The following YIF1A variants were observed in gnomAD, a reference collection of about 807,000 sequenced individuals.
YIF1A encodes the protein protein YIF1A.
In YIF1A, 28 loss-of-function variants were observed where a neutral mutation model predicts 32.6. The ratio of observed to expected loss-of-function variants is 0.86; its 90% CI spans 0.64 to 1.18. The LOEUF is 1.18. Ranked by LOEUF, YIF1A falls within the 50% of genes most tolerant of loss-of-function variation. The pLI is 0.00. For synonymous variants in YIF1A, 175 were observed against 162.2 expected (o/e 1.08, Z -0.60); for missense variants, 373 against 390.8 (o/e 0.95, Z 0.38).
chr11:66,285,155 C>A, intron 6 of YIF1A, 189 bp from the exon 7 acceptor site: 1 of 872,166 alleles, frequency 1.1e-6, no homozygotes. Context: ...GGACCTGGAT[C>A]TGAGACCCCC....
Position 66,285,735 on chromosome 11 carries a change from G to C in YIF1A, c.451C>G (p.Leu151Val), listed in dbSNP as rs1313837404. 6.2e-7 allele frequency: 1 copy of C among 1,613,254 alleles called. No homozygotes were observed. Residue 151 changes from leucine to valine, a missense_variant, in exon 5 of 8, where the codon CTC becomes GTC. Transcript: ENST00000376901. ...ATGCCCAGTGCCATCCCAGCCAGGA[G>C]CACGTAAGTAATGAAGGCCATCGCT... ...IPTMAFITYV[L>V]LAGMALGIQK...
chr11:66,285,734 AGCAC>A lies in YIF1A; in HGVS notation c.448_451del (p.Val150SerfsTer30). 1 of 1,613,262 alleles carries A rather than the reference AGCAC, an allele frequency of 6.2e-7. No individual in the cohort carries two copies. Among genetic ancestry groups the A allele is most frequent in the Non-Finnish European group, 8.5e-7 (1 of 1,179,920 alleles). Reference sequence around the variant, plus strand: ...AATGCCCAGTGCCATCCCAGCCAGGAGCACGTAAGTAATGAAGGCCATCGCTGCC... The same window carrying A: ...AATGCCCAGTGCCATCCCAGCCAGGAGTAAGTAATGAAGGCCATCGCTGCC... On this transcript the variant is annotated frameshift_variant, in exon 5 of 8. Transcript: ENST00000376901. LOFTEE classifies it high-confidence loss of function.
At position 66,285,456 on chromosome 11, in the gene YIF1A, C is replaced by G. The variant is rs1857339846; in HGVS notation, c.566G>C (p.Gly189Ala). Residue 189 changes from glycine (G) to alanine (A), a missense_variant, in exon 6 of 8, where the codon GGC (glycine) becomes GCC (alanine). By Grantham distance (60) the Gly-to-Ala change is moderately conservative. Coordinates refer to ENST00000376901, the MANE Select transcript of YIF1A (RefSeq NM_020470.3). ...VVMEVLALLL[G>A]LYLATVRSDL... ...ACTGCGCACGGTGGCCAGGTAGAGG[C>G]CCAGGAGCAGGGCCAGCACCTCCAT... 1 of 1,613,230 alleles carries G rather than the reference C, an allele frequency of 6.2e-7. No individual in the cohort carries two copies.
chr11:66,285,006 G>A lies in YIF1A; in HGVS notation c.642-40C>T, dbSNP rs1044265618. The A allele has an allele frequency of 1.9e-6, 3 of 1,604,436 alleles. No homozygotes were observed. The African/African-American group carries it at 4.0e-5, about 21-fold the overall frequency. The stretch of plus-strand genomic sequence containing the variant: ...AGGAAAGGGTTGGTGACCCCCAGGG[G>A]TCTAGGCCTGAGATTGGCCCTACCC... On this transcript the variant is annotated intron_variant, in intron 6 of 7. Transcript: ENST00000376901.
Position 66,288,123 on chromosome 11 carries a change from G to A in YIF1A, c.201C>T (p.Gly67=), listed in dbSNP as rs769168737. The A allele has an allele frequency of 1.2e-6, 2 of 1,613,928 alleles. No individual in the cohort carries two copies. Among genetic ancestry groups the A allele is most frequent in the East Asian group, 4.5e-5 (2 of 44,898 alleles). ...DPMANVAMAY[G]SSIASHGKDM... is the part of the protein sequence containing the mutation. Reference sequence around the variant, plus strand: ...CCTTCCCATGGGATGCGATGGAGCTGCCATAGGCCATAGCCACATTGGCCA... The same window carrying A: ...CCTTCCCATGGGATGCGATGGAGCTACCATAGGCCATAGCCACATTGGCCA... The change falls in exon 2 of 8, where the codon GGC becomes GGT. Residue 67 remains glycine, a synonymous_variant. Transcript: ENST00000376901.
At position 66,288,258 on chromosome 11, in the gene YIF1A, G is replaced by A; in HGVS notation, c.66C>T (p.Pro22=). The part of the protein sequence containing the change: ...SKHRARAAPD[P]PPLFDDTSGG... ...CGCTTGTGTCATCGAAGAGGGGAGG[G>A]GGATCCGGGGCTGCCCGGGCCCTGT... The change falls in exon 2 of 8, where the codon CCC becomes CCT. Residue 22 remains proline (P), a synonymous_variant. Coordinates refer to ENST00000376901, the MANE Select transcript of YIF1A (RefSeq NM_020470.3). The A allele has an allele frequency of 1.9e-6, 3 of 1,614,120 alleles. No homozygotes were observed. The highest frequency in any genetic ancestry group is 2.2e-5 in the South Asian group (2 of 91,090).
chr11:66,288,965 G>A lies in YIF1A; in HGVS notation c.21C>T (p.Tyr7=). 1.9e-6 allele frequency: 3 copies of A among 1,568,092 alleles called. No homozygotes were observed. The highest frequency in any genetic ancestry group is 2.6e-6 in the Non-Finnish European group (3 of 1,165,766). Residue 7 remains tyrosine, a synonymous_variant, in exon 1 of 8, where the codon TAC becomes TAT. Transcript: ENST00000376901. Reference sequence around the variant, plus strand: ...CCGCGCCCCACGCACCGTGGGCTCCGTAGCCCGAGTGATAAGCCATGGCCG... The same window carrying A: ...CCGCGCCCCACGCACCGTGGGCTCCATAGCCCGAGTGATAAGCCATGGCCG... MAYHSG[Y]GAHGSKHRAR...
At chr11:66,288,662 G>A (rs1857402491) in intron 1 of YIF1A, among the ~76,000 whole-genome samples, 3 of 152,346 alleles carry the variant, frequency 2.0e-5, no homozygotes, top group Non-Finnish European at 4.4e-5. Flanking sequence ...GCGACAGCTG[G>A]CTACCTGGAG....
chr11:66,288,822 C>T, intron 1 of YIF1A, 133 bp downstream of exon 1: 1 of 1,075,406 alleles, frequency 9.3e-7, no homozygotes, highest in Non-Finnish European at 1.3e-6. Context: ...TGGAGTGTTA[C>T]GAGGGGCAGG....
At chr11:66,286,164 C>T (rs1361705802) in intron 4 of YIF1A, among the ~76,000 whole-genome samples, 2 of 152,246 alleles carry the variant, frequency 1.3e-5, no homozygotes, top group Admixed American at 6.5e-5. Context: ...ATGACCTCAC[C>T]GCAGTCAGCA....
chr11:66,287,817 G>A lies in YIF1A; in HGVS notation c.343C>T (p.His115Tyr), dbSNP rs753339632. The change falls in exon 3 of 8, where the codon CAC becomes TAC. Residue 115 changes from histidine (H) to tyrosine (Y), a missense_variant. Physicochemically the swap from His to Tyr is moderately conservative, Grantham distance 83. Transcript: ENST00000376901. ...KLGLLVFPYT[H>Y]QNWEVQYSRD... is the part of the protein sequence containing the mutation. ...TCCCTTGGTAGGAAGCTCACCTGGT[G>A]TGTGTAGGGGAAGACCAGCAGCCCT... is the stretch of plus-strand genomic sequence containing the variant. The A allele has an allele frequency of 1.5e-5, 24 of 1,613,974 alleles. No homozygotes were observed. Among genetic ancestry groups the A allele is most frequent in the Middle Eastern group, 1.6e-4 (1 of 6,080 alleles).
Position 66,289,120 on chromosome 11 carries a change from C to A in YIF1A, c.-135G>T, listed in dbSNP as rs1420574404. The A allele has an allele frequency of 7.7e-7, 1 of 1,303,114 alleles. No individual in the cohort carries two copies. The highest frequency in any genetic ancestry group is 1.6e-5 in the African/African-American group (1 of 64,188). The allele number at this position is 1,303,114 out of a possible 1,614,324, so 80.7% of individuals were successfully genotyped here. On this transcript the variant is annotated 5_prime_UTR_variant, in exon 1 of 8. Transcript: ENST00000376901. ...GCGACACGTCCCCCACCCCGCCGGT[C>A]TCGGCCACCATGTCCGTGGCGTCAT...
At chr11:66,285,975 C>T (rs1253085672) in intron 4 of YIF1A, among the ~76,000 whole-genome samples, 1 of 152,284 alleles carries the variant, frequency 6.6e-6, no homozygotes, top group Non-Finnish European at 1.5e-5. Flanking sequence ...CTTCCAGAAC[C>T]ACAAGCCACC....
At chr11:66,288,882 C>T in intron 1 of YIF1A, 73 bp downstream of exon 1, 2 of 1,422,958 alleles carry the variant, frequency 1.4e-6, no homozygotes, top group Non-Finnish European at 1.8e-6. Context: ...CGCTATCTCC[C>T]TCGGGGTGAG....
Position 66,284,734 on chromosome 11 carries a change from G to A in YIF1A, c.785C>T (p.Pro262Leu). 1 of 1,612,256 alleles carries A rather than the reference G, an allele frequency of 6.2e-7. No homozygotes were observed. The highest frequency in any genetic ancestry group is 8.5e-7 in the Non-Finnish European group (1 of 1,179,700). ...AALGPDSMGG[P>L]VPRQRLQLYL... ...GAGCTGGAGACGCTGCCGGGGGACG[G>A]GGCCCCCCATGCTGTCGGGGCCCAG... Residue 262 changes from proline to leucine, a missense_variant, in exon 8 of 8, where the codon CCC (proline) becomes CTC (leucine). Transcript: ENST00000376901.
Position 66,284,744 on chromosome 11 carries a change from T to C in YIF1A, c.775A>G (p.Met259Val). The C allele has an allele frequency of 6.2e-7, 1 of 1,612,060 alleles. No homozygotes were observed. Among genetic ancestry groups the C allele is most frequent in the Admixed American group, 1.7e-5 (1 of 59,956 alleles). ...CGCTGCCGGGGGACGGGGCCCCCCATGCTGTCGGGGCCCAGGGCTGCTGTC... is the reference window on the plus strand; with the variant it reads ...CGCTGCCGGGGGACGGGGCCCCCCACGCTGTCGGGGCCCAGGGCTGCTGTC... ...LRTAALGPDS[M>V]GGPVPRQRLQ... Residue 259 changes from methionine to valine, a missense_variant, in exon 8 of 8, where the codon ATG becomes GTG. Met to Val is a conservative substitution (Grantham distance 21, BLOSUM62 1). Coordinates refer to ENST00000376901, the MANE Select transcript of YIF1A (RefSeq NM_020470.3).
intron 1 of YIF1A, among the ~76,000 whole-genome samples, 188 bp downstream of exon 1, chr11:66,288,767 T>C (rs929614263): frequency 2.1e-4 from 32 of 152,180 alleles, no homozygotes; most frequent in African/African-American, 7.7e-4. Flanking sequence ...GACTCCGGCA[T>C]GGGATTCCCA....
intron 3 of YIF1A, 31 bp downstream of exon 3, chr11:66,287,781 G>A (rs1857384021): frequency 6.2e-7 from 1 of 1,611,218 alleles, no homozygotes. Flanking sequence ...GAATGAGGAA[G>A]GCCCACCAGC....
In YIF1A at chr11:66,288,944, G is replaced by C; in HGVS notation, c.31+11C>G. The C allele has an allele frequency of 9.3e-6, 14 of 1,505,676 alleles. No individual in the cohort carries two copies. Among genetic ancestry groups the C allele is most frequent in the Non-Finnish European group, 1.2e-5 (14 of 1,137,868 alleles). 93.3% of individuals were successfully genotyped at this position (1,505,676 alleles called of 1,614,324 possible). A position where few individuals can be genotyped will look rare whatever the true frequency, so the allele number is the denominator to read the frequency against. On this transcript the variant is annotated intron_variant, in intron 1 of 7. Coordinates refer to ENST00000376901, the MANE Select transcript of YIF1A (RefSeq NM_020470.3). ...GCCGGCCGCGCCGCGCCCCGCCCGC[G>C]CCCCACGCACCGTGGGCTCCGTAGC...
Sources: allele counts gnomAD v4.1 joint callset (sites outside exome capture counted in the v4.1 genomes callset), GRCh38; gene constraint gnomAD v4.1.1; transcripts MANE v1.5; gene names NCBI Gene and HGNC (gene_info 2026-07-23, HGNC 2026-07-21).